Variants in TRHDE observed in about 807,000 individuals in gnomAD.
TRHDE encodes the protein thyrotropin-releasing hormone-degrading ectoenzyme.
In TRHDE, 72 loss-of-function variants were observed where a neutral mutation model predicts 125.7. The ratio of observed to expected loss-of-function variants is 0.57; its 90% confidence interval spans 0.47 to 0.70. The LOEUF (loss-of-function observed/expected upper bound fraction) is 0.70, where lower values mean the gene tolerates loss of function less well. Among genes scored for constraint, TRHDE ranks in the 30% least tolerant of loss-of-function variants. TRHDE has a pLI of 0.00. For synonymous variants in TRHDE, 509 were observed against 509.1 expected, an observed-to-expected ratio of 1.00 and a Z score of 0.00; for missense variants, 1,110 against 1,327.1, an observed-to-expected ratio of 0.84 and a Z score of 2.54.
intron 3 of TRHDE, among the ~76,000 whole-genome samples, chr12:72,419,433 G>A (rs192736399): frequency 3.0e-4 from 45 of 152,234 alleles, no homozygotes; most frequent in South Asian, 6.2e-4. Context: ...TGGCACCAGC[G>A]TCTGCTCCTG....
At chr12:72,155,486 G>A (rs866581704) in intron 2 of TRHDE, among the ~76,000 whole-genome samples, 17 of 152,100 alleles carry the variant, frequency 1.1e-4, no homozygotes, top group Middle Eastern at 3.4e-3. Flanking sequence ...TAGAGTTTCC[G>A]GTTTTTCTGC....
At chr12:72,488,054 AT>A (rs1242968345) in intron 5 of TRHDE, among the ~76,000 whole-genome samples, 1 of 152,158 alleles carries the variant, frequency 6.6e-6, no homozygotes, top group Non-Finnish European at 1.5e-5. Flanking sequence ...AAAGCTCAGA[AT>A]TACAGAAAAT....
chr12:72,167,465 T>G (rs1876777613), intron 2 of TRHDE: 1 of 152,204 alleles, frequency 6.6e-6, no homozygotes, highest in South Asian at 2.1e-4. Context: ...AGCTAACATC[T>G]GAGGACTACT....
chr12:72,340,297 T>C (rs1870024285), intron 2 of TRHDE, among the ~76,000 whole-genome samples: 1 of 152,144 alleles, frequency 6.6e-6, no homozygotes, highest in African/African-American at 2.4e-5. Context: ...TAAGGCTTGA[T>C]ATATTTGGGC....
chr12:72,117,959 A>G (rs570075744), intron 2 of TRHDE, among the ~76,000 whole-genome samples: 1 of 150,154 alleles, frequency 6.7e-6, no homozygotes, highest in East Asian at 1.9e-4. Flanking sequence ...TTTCAGTTCT[A>G]ATGGTTTTCT....
intron 2 of TRHDE, among the ~76,000 whole-genome samples, chr12:72,331,152 C>T (rs1456167176): frequency 6.6e-6 from 1 of 152,192 alleles, no homozygotes; most frequent in Non-Finnish European, 1.5e-5. Context: ...GTATCATTTA[C>T]TCTCTTTAAG....
intron 18 of TRHDE, among the ~76,000 whole-genome samples, chr12:72,662,455 T>C (rs1214454494): frequency 6.6e-6 from 1 of 152,180 alleles, no homozygotes; most frequent in Non-Finnish European, 1.5e-5. Flanking sequence ...CCTTTATTCT[T>C]TCAAAATCTA....
Position 72,438,449 on chromosome 12 carries a change from T to G in TRHDE, c.1316-31309T>G, listed in dbSNP as rs113583960. Among the ~76,000 whole-genome samples, 436 of 151,934 alleles carry G rather than the reference T, an allele frequency of 2.9e-3. 2 individuals carry two copies. Among genetic ancestry groups the G allele is most frequent in the African/African-American group, 0.01 (420 of 41,528 alleles). On this transcript the variant is annotated intron_variant, in intron 3 of 18. Transcript: ENST00000261180. ...TGCTCACCAACACTTATCTTTCAAC[T>G]TTTTTGATGATAGCCATTCTAAGAG... is the stretch of plus-strand genomic sequence containing the variant.
intron 1 of TRHDE, among the ~76,000 whole-genome samples, chr12:72,279,109 A>AT (rs928746448): frequency 6.6e-6 from 1 of 152,174 alleles, no homozygotes; most frequent in African/African-American, 2.4e-5. Context: ...TTTGCACAAC[A>AT]TGTTTGTTTA....
At chr12:72,411,890 T>G (rs1164398413) in intron 3 of TRHDE, among the ~76,000 whole-genome samples, 2 of 152,092 alleles carry the variant, frequency 1.3e-5, no homozygotes, top group Non-Finnish European at 2.9e-5. Context: ...AAGACAAACT[T>G]TTTAATAAAT....
chr12:72,166,805 A>T (rs1876759763), intron 2 of TRHDE, among the ~76,000 whole-genome samples: 1 of 152,114 alleles, frequency 6.6e-6, no homozygotes, highest in Non-Finnish European at 1.5e-5. Flanking sequence ...AGGGGGGTTA[A>T]TGAAAGACAG....
At chr12:72,391,123 A>T (rs1320523661) in intron 3 of TRHDE, among the ~76,000 whole-genome samples, 1 of 152,162 alleles carries the variant, frequency 6.6e-6, no homozygotes, top group African/African-American at 2.4e-5. Flanking sequence ...TAAACTTATG[A>T]CTTTATCCCT....
At chr12:72,639,557 C>T (rs1873938303) in intron 15 of TRHDE, among the ~76,000 whole-genome samples, 1 of 152,132 alleles carries the variant, frequency 6.6e-6, no homozygotes, top group Non-Finnish European at 1.5e-5. Context: ...AACTGCGTTC[C>T]TTTGGAGGAG....
Position 72,438,903 on chromosome 12 carries a change from C to A in TRHDE, c.1316-30855C>A, listed in dbSNP as rs78185364. Among the ~76,000 whole-genome samples, 467 of 150,678 alleles carry A rather than the reference C, an allele frequency of 3.1e-3. 1 individual carries two copies. Among genetic ancestry groups the A allele is most frequent in the Non-Finnish European group, 5.4e-3 (358 of 66,834 alleles). The stretch of plus-strand genomic sequence containing the variant: ...CTTTTAGTAGTTTCGTAGTTTTGAA[C>A]CTTATGTGTAAGTCTTTAATCCATT... On this transcript the variant is annotated intron_variant, in intron 3 of 18. Transcript: ENST00000261180.
intron 3 of TRHDE, among the ~76,000 whole-genome samples, chr12:72,430,431 A>G: frequency 6.8e-6 from 1 of 148,038 alleles, no homozygotes; most frequent in South Asian, 2.1e-4. Context: ...ATACATGTAT[A>G]TATATACACA....
At chr12:72,314,936 C>G (rs1241217314) in intron 2 of TRHDE, among the ~76,000 whole-genome samples, 3 of 152,158 alleles carry the variant, frequency 2.0e-5, no homozygotes, top group Non-Finnish European at 4.4e-5. Context: ...CAAGTTTGCA[C>G]TCACTGAACC....
chr12:72,305,313 C>T (rs556712589), intron 2 of TRHDE, among the ~76,000 whole-genome samples: 4 of 152,102 alleles, frequency 2.6e-5, no homozygotes, highest in Admixed American at 6.5e-5. Flanking sequence ...CAAATTAATC[C>T]TCCCTGAAAA....
chr12:72,097,341 A>G (rs1865929303), intron 1 of TRHDE, among the ~76,000 whole-genome samples: 1 of 151,590 alleles, frequency 6.6e-6, no homozygotes, highest in South Asian at 2.1e-4. Context: ...TCATAATTTT[A>G]GAAACAGATG....
chr12:72,250,862 A>ATATATATATATT (rs981275202), intron 2 of TRHDE, among the ~76,000 whole-genome samples: 2 of 144,262 alleles, frequency 1.4e-5, no homozygotes, highest in Non-Finnish European at 3.0e-5. Context: ...ATATATATAT[A>ATATATATATATT]TTTTATTTTT....
Sources: gnomAD v4.1 joint callset for allele counts (sites outside exome capture counted in the v4.1 genomes callset) on GRCh38, gnomAD v4.1.1 for gene constraint, MANE v1.5 for transcripts, NCBI Gene and HGNC (gene_info 2026-07-23, HGNC 2026-07-21) for gene names.